DOCK2: variants seen among roughly 807,000 people sequenced by gnomAD.
The protein encoded by DOCK2 is dedicator of cytokinesis 2.
In DOCK2, 87 loss-of-function variants were observed where a neutral mutation model predicts 248.9. The observed-to-expected ratio is 0.35, with a 90% CI of 0.29 to 0.42. DOCK2 has a LOEUF of 0.42. DOCK2 is among the 10% of genes least tolerant of loss of function. The pLI is 1.00. For synonymous variants in DOCK2, 805 were observed against 821.6 expected, an observed-to-expected ratio of 0.98 and a Z score of 0.35; for missense variants, 1,747 against 2,300.2, an observed-to-expected ratio of 0.76 and a Z score of 4.92.
intron 1 of DOCK2, among the ~76,000 whole-genome samples, chr5:169,639,329 C>G (rs1029681997): frequency 3.3e-5 from 5 of 152,104 alleles, no homozygotes; most frequent in Non-Finnish European, 7.4e-5. Context: ...TTTCTCCTTG[C>G]AGGAGAGAGG....
chr5:169,914,736 C>T (rs1774783575), intron 27 of DOCK2, among the ~76,000 whole-genome samples: 1 of 152,216 alleles, frequency 6.6e-6, no homozygotes, highest in Non-Finnish European at 1.5e-5. Flanking sequence ...CTGTAGCCTT[C>T]TGGTGGGGCA....
chr5:169,807,833 C>CAAAAAA (rs61670398), intron 26 of DOCK2, among the ~76,000 whole-genome samples: 1,652 of 24,228 alleles, frequency 0.068, 218 homozygotes, highest in African/African-American at 0.098. Context: ...GACTCTGTCT[C>CAAAAAA]AAAAAAAAAA....
At chr5:169,902,770 C>G (rs1774001890) in intron 27 of DOCK2, among the ~76,000 whole-genome samples, 1 of 152,168 alleles carries the variant, frequency 6.6e-6, no homozygotes, top group African/African-American at 2.4e-5. Context: ...CTCAGACATT[C>G]TCCCAGAGCC....
At chr5:170,062,943 T>C (rs1757379873) in intron 44 of DOCK2, among the ~76,000 whole-genome samples, 1 of 152,182 alleles carries the variant, frequency 6.6e-6, no homozygotes, top group South Asian at 2.1e-4. Flanking sequence ...AGAAGCAGGC[T>C]GTCACTTCTC....
chr5:170,050,863 A>G (rs1756889279), intron 41 of DOCK2, among the ~76,000 whole-genome samples: 1 of 152,186 alleles, frequency 6.6e-6, no homozygotes, highest in African/African-American at 2.4e-5. Context: ...TCATTCTTAT[A>G]TTGAATACTC....
intron 1 of DOCK2, among the ~76,000 whole-genome samples, chr5:169,651,641 C>G (rs1223330500): frequency 1.3e-5 from 2 of 152,204 alleles, no homozygotes; most frequent in Non-Finnish European, 2.9e-5. Flanking sequence ...AGGCAGACCA[C>G]TTGGGCTGAA....
chr5:169,715,718 T>G (rs1004692715), intron 19 of DOCK2, among the ~76,000 whole-genome samples: 4 of 152,100 alleles, frequency 2.6e-5, no homozygotes, highest in Admixed American at 2.6e-4. Context: ...CCATGTGTAC[T>G]CACCACCCAG....
At chr5:169,988,598 C>T (rs1462978553) in intron 29 of DOCK2, among the ~76,000 whole-genome samples, 5 of 152,080 alleles carry the variant, frequency 3.3e-5, no homozygotes, top group Admixed American at 6.6e-5. Context: ...CTGCAACCTC[C>T]GCCTCCTGGG....
rs188073191 is a variant in DOCK2, at chr5:170,048,928, G to A, written c.4071+1314G>A. Among the ~76,000 whole-genome samples the A allele has an allele frequency of 2.3e-3, 351 of 152,290 alleles. 1 individual carries two copies. Among genetic ancestry groups the A allele is most frequent in the Non-Finnish European group, 3.0e-3 (202 of 68,018 alleles). On this transcript the variant is annotated intron_variant, in intron 40 of 51. Transcript: ENST00000520908. ...ACCTCACTTGATTTAGTCTAGTCAA[G>A]GAGATAAATCACTCACAATTATTAA...
chr5:170,048,275 C>T (rs1756786515), intron 40 of DOCK2, among the ~76,000 whole-genome samples: 1 of 151,800 alleles, frequency 6.6e-6, no homozygotes, highest in African/African-American at 2.4e-5. Flanking sequence ...ACCTATAATC[C>T]CAGCTATTTG....
intron 27 of DOCK2, among the ~76,000 whole-genome samples, chr5:169,910,572 C>T (rs949084600): frequency 1.3e-5 from 2 of 152,152 alleles, no homozygotes; most frequent in East Asian, 1.9e-4. Flanking sequence ...GGAGCTCCTC[C>T]GAGGTTCACT....
chr5:169,721,636 T>G (rs1561636024), intron 22 of DOCK2, among the ~76,000 whole-genome samples: 1 of 152,222 alleles, frequency 6.6e-6, no homozygotes, highest in Non-Finnish European at 1.5e-5. Flanking sequence ...TTATTCTCTT[T>G]CCCTGCTTGC....
At chr5:169,714,913 A>ATATATG (rs1276816926) in intron 19 of DOCK2, among the ~76,000 whole-genome samples, 1 of 152,180 alleles carries the variant, frequency 6.6e-6, no homozygotes, top group African/African-American at 2.4e-5. Context: ...ATATGTTGAT[A>ATATATG]TATATGTATA....
chr5:169,718,615 T>C (rs1223414962), intron 21 of DOCK2, 42 bp from the exon 22 acceptor site: 1 of 1,595,322 alleles, frequency 6.3e-7, no homozygotes, highest in Non-Finnish European at 8.6e-7. Flanking sequence ...CTAATTACCA[T>C]GATGAAAGAG....
At chr5:169,926,578 C>T (rs190180076) in intron 27 of DOCK2, among the ~76,000 whole-genome samples, 3 of 152,258 alleles carry the variant, frequency 2.0e-5, no homozygotes, top group Admixed American at 6.5e-5. Flanking sequence ...TGATGTGGCA[C>T]ATCAGCTCAC....
intron 33 of DOCK2, among the ~76,000 whole-genome samples, chr5:170,019,543 C>G (rs1048272898): frequency 1.3e-5 from 2 of 152,148 alleles, no homozygotes; most frequent in African/African-American, 4.8e-5. Flanking sequence ...CACACCAAAT[C>G]TGATAGCAGA....
chr5:170,074,523 A>G (rs6890267), intron 46 of DOCK2, among the ~76,000 whole-genome samples: 25,742 of 152,168 alleles, frequency 0.17, 4,016 homozygotes, highest in African/African-American at 0.41. Context: ...GACCATTCAC[A>G]TTCTCCAGAG....
intron 26 of DOCK2, among the ~76,000 whole-genome samples, chr5:169,806,925 C>T (rs969750109): frequency 1.3e-5 from 2 of 151,162 alleles, no homozygotes; most frequent in Non-Finnish European, 2.9e-5. Flanking sequence ...TCTCCGCCCT[C>T]CTCACCCTTC....
intron 25 of DOCK2, among the ~76,000 whole-genome samples, chr5:169,771,355 C>T (rs1765077218): frequency 6.6e-6 from 1 of 152,222 alleles, no homozygotes; most frequent in Non-Finnish European, 1.5e-5. Flanking sequence ...GTGATCTCGG[C>T]TCACTGCAAC....
Sources: gnomAD v4.1 joint callset for allele counts (sites outside exome capture counted in the v4.1 genomes callset) on GRCh38, gnomAD v4.1.1 for gene constraint, MANE v1.5 for transcripts, NCBI Gene and HGNC (gene_info 2026-07-23, HGNC 2026-07-21) for gene names.